The following CYFIP1 variants were observed in gnomAD, a reference collection of about 807,000 sequenced individuals.
The protein encoded by CYFIP1 is cytoplasmic FMR1-interacting protein 1.
In CYFIP1, 58 loss-of-function variants were observed where a neutral mutation model predicts 163.5. The observed-to-expected ratio is 0.35, with a 90% confidence interval of 0.29 to 0.44. The LOEUF is 0.44. CYFIP1 is among the 20% of genes least tolerant of loss of function. The probability of loss-of-function intolerance (pLI) is 1.00; values close to 1 mark genes in which losing one functional copy is unlikely to be tolerated. For synonymous variants in CYFIP1, 663 were observed against 660.7 expected (o/e 1.00, Z -0.05); for missense variants, 1,338 against 1,653.8 (o/e 0.81, Z 3.31).
intron 1 of CYFIP1, among the ~76,000 whole-genome samples, chr15:22,969,107 C>G (rs934603392): frequency 6.6e-6 from 1 of 152,040 alleles, no homozygotes; most frequent in African/African-American, 2.4e-5. Context: ...AAGATGAAAC[C>G]CACTGCTTTC....
intron 13 of CYFIP1, among the ~76,000 whole-genome samples, chr15:22,922,206 G>C (rs557686243): frequency 2.6e-4 from 39 of 152,252 alleles, no homozygotes; most frequent in Non-Finnish European, 5.0e-4. Flanking sequence ...GCCTACTGCT[G>C]TACCAGTCTG....
intron 13 of CYFIP1, among the ~76,000 whole-genome samples, chr15:22,920,390 T>C (rs1356254059): frequency 6.6e-6 from 1 of 152,120 alleles, no homozygotes; most frequent in Non-Finnish European, 1.5e-5. Context: ...AGAACACAAA[T>C]GTGTTTCCCC....
At chr15:22,910,870 C>T (rs1284854599) in intron 18 of CYFIP1, 57 bp from the exon 19 acceptor site, 5 of 1,461,042 alleles carry the variant, frequency 3.4e-6, no homozygotes, top group Non-Finnish European at 3.8e-6. Flanking sequence ...GATCAAATAA[C>T]AAGGTGAAAA....
At chr15:22,899,341 T>C (rs766969207) in intron 22 of CYFIP1, among the ~76,000 whole-genome samples, 5 of 152,196 alleles carry the variant, frequency 3.3e-5, no homozygotes, top group Non-Finnish European at 7.3e-5. Context: ...TAGGTAACTA[T>C]ATAGAAATAA....
chr15:22,939,855 C>T (rs536044402), intron 6 of CYFIP1, among the ~76,000 whole-genome samples: 2 of 152,224 alleles, frequency 1.3e-5, no homozygotes, highest in Admixed American at 6.5e-5. Context: ...TCCTGGACCC[C>T]GAGTCTGAGA....
At chr15:22,976,445 C>A (rs1317264110) in intron 1 of CYFIP1, among the ~76,000 whole-genome samples, 1 of 152,190 alleles carries the variant, frequency 6.6e-6, no homozygotes, top group Non-Finnish European at 1.5e-5. Context: ...CGTGAGCAAC[C>A]ACGCCCAGCC....
chr15:22,947,193 G>C lies in CYFIP1; in HGVS notation c.93C>G (p.Pro31=). The C allele has an allele frequency of 9.3e-6, 15 of 1,614,076 alleles. 1 individual carries two copies. The highest frequency in any genetic ancestry group is 1.3e-5 in the Non-Finnish European group (15 of 1,179,988). Residue 31 remains proline, a synonymous_variant, in exon 2 of 31, where the codon CCC becomes CCG. Coordinates refer to ENST00000617928, the MANE Select transcript of CYFIP1 (RefSeq NM_014608.6). ...PLPDQQPCIE[P]PPSSLLYQPN... ...CCTGGTAGAGCAGCGAGGATGGCGG[G>C]GGCTCGATGCAGGGCTGCTGGTCGG...
intron 10 of CYFIP1, among the ~76,000 whole-genome samples, chr15:22,933,441 A>T (rs1199423681): frequency 6.6e-6 from 1 of 151,580 alleles, no homozygotes; most frequent in African/African-American, 2.4e-5. Context: ...CAGCCTCCCA[A>T]GTAGCTGGGA....
chr15:22,950,625 G>A (rs994223999), intron 1 of CYFIP1, among the ~76,000 whole-genome samples: 1 of 152,202 alleles, frequency 6.6e-6, no homozygotes, highest in Non-Finnish European at 1.5e-5. Context: ...CAAACACTCC[G>A]TAAGTTTTAA....
intron 9 of CYFIP1, among the ~76,000 whole-genome samples, chr15:22,936,657 C>T (rs1002597108): frequency 1.3e-5 from 2 of 152,298 alleles, no homozygotes; most frequent in East Asian, 3.9e-4. Flanking sequence ...TGGGTATGCA[C>T]CCAACAGAGG....
rs1053483287 is a variant in CYFIP1 at position 22,873,717 on chromosome 15, C to T, written c.3223G>A (p.Ala1075Thr). ...TTTGTCAGCAGGTCCCCCTCTCTTGCGATGGCAATTTGCTGCAGAAAGGAC... is the reference window on the plus strand; with the variant it reads ...TTTGTCAGCAGGTCCCCCTCTCTTGTGATGGCAATTTGCTGCAGAAAGGAC... Reference protein sequence around the residue: ...RLGTPQQIAIAREGDLLTKER... With the variant: ...RLGTPQQIAITREGDLLTKER... Residue 1075 changes from alanine to threonine, a missense_variant, in exon 29 of 31, where the codon GCA becomes ACA. Ala to Thr is a moderately conservative substitution (Grantham distance 58). This residue lies in a region of CYFIP1 where 306 missense variants were observed against 322.1 expected (regional missense o/e 0.95). Coordinates refer to ENST00000617928, the MANE Select transcript of CYFIP1 (RefSeq NM_014608.6). The T allele has an allele frequency of 1.6e-5, 25 of 1,612,178 alleles. No homozygotes were observed. The highest frequency in any genetic ancestry group is 2.0e-5 in the Non-Finnish European group (23 of 1,178,446).
In CYFIP1 at chr15:22,947,246, C is replaced by T. The variant is rs759164219; in HGVS notation, c.40G>A (p.Val14Met). 17 of 1,613,870 alleles carry T rather than the reference C, an allele frequency of 1.1e-5. No individual in the cohort carries two copies. The South Asian group carries it at 1.6e-4, about 16-fold the overall frequency. The change falls in exon 2 of 31, where the codon GTG (valine) becomes ATG (methionine). Residue 14 changes from valine to methionine, a missense_variant. Coordinates refer to ENST00000617928, the MANE Select transcript of CYFIP1 (RefSeq NM_014608.6). ...QVTLEDALSNVDLLEELPLPD... is the reference protein window; with the variant it reads ...QVTLEDALSNMDLLEELPLPD... ...AGGGGCAGCTCCTCCAGGAGGTCCA[C>T]GTTGGACAGCGCGTCCTCCAGAGTC...
intron 1 of CYFIP1, among the ~76,000 whole-genome samples, chr15:22,972,127 C>T (rs1360456414): frequency 6.6e-6 from 1 of 152,174 alleles, no homozygotes; most frequent in Non-Finnish European, 1.5e-5. Flanking sequence ...AGGCATCACA[C>T]TACCTGACTT....
chr15:22,896,873 T>G (rs184217155), intron 22 of CYFIP1, among the ~76,000 whole-genome samples: 2 of 152,226 alleles, frequency 1.3e-5, no homozygotes, highest in African/African-American at 2.4e-5. Context: ...CACTGGGCAT[T>G]TCAGTGCCAT....
intron 1 of CYFIP1, among the ~76,000 whole-genome samples, chr15:22,958,209 T>C (rs2062548228): frequency 6.6e-6 from 1 of 151,598 alleles, no homozygotes; most frequent in Non-Finnish European, 1.5e-5. Context: ...CCTCAGCCTC[T>C]CAAGTAGCTG....
chr15:22,880,795 C>T (rs1468404886), intron 25 of CYFIP1, among the ~76,000 whole-genome samples: 2 of 152,156 alleles, frequency 1.3e-5, no homozygotes, highest in Non-Finnish European at 2.9e-5. Context: ...GGCCCCTCTG[C>T]TCCTCCCAGC....
intron 23 of CYFIP1, among the ~76,000 whole-genome samples, chr15:22,887,641 T>C (rs1446765282): frequency 1.3e-5 from 2 of 152,176 alleles, no homozygotes; most frequent in Non-Finnish European, 2.9e-5. Flanking sequence ...AGTGTCCGGT[T>C]TCCCAGTAGA....
rs923140842 is a variant in CYFIP1 at position 22,917,316 on chromosome 15, G to A, written c.1674+472C>T. ...CGCAGCGGTGTGGATTAAACCGGGT[G>A]TGAAAGTCGTGAGAAGCACCTCGGG... On this transcript the variant is annotated intron_variant, in intron 15 of 30. Coordinates refer to ENST00000617928, the MANE Select transcript of CYFIP1 (RefSeq NM_014608.6). This position sits in a 1 kb window ranked among gnomAD's most constrained non-coding sequence, Gnocchi z 4.2. The A allele has an allele frequency of 1.5e-6, 2 of 1,314,340 alleles. No homozygotes were observed. Among genetic ancestry groups the A allele is most frequent in the African/African-American group, 1.5e-5 (1 of 67,064 alleles). The allele number at this position is 1,314,340 out of a possible 1,614,324, so 81.4% of individuals were successfully genotyped here. A position where few individuals can be genotyped will look rare whatever the true frequency, so the allele number is the denominator to read the frequency against.
chr15:22,979,698 G>GA (rs1327236080), intron 1 of CYFIP1, among the ~76,000 whole-genome samples: 1 of 152,118 alleles, frequency 6.6e-6, no homozygotes, highest in Admixed American at 6.5e-5. Flanking sequence ...ATGCTTGTGC[G>GA]AAACAGTGCT....
Sources: allele counts gnomAD v4.1 joint callset (sites outside exome capture counted in the v4.1 genomes callset), GRCh38; gene constraint gnomAD v4.1.1; regional missense constraint gnomAD v4.1.1; non-coding constraint Gnocchi (gnomAD v3.1); transcripts MANE v1.5; gene names NCBI Gene and HGNC (gene_info 2026-07-23, HGNC 2026-07-21).